TRAPPC9: variants seen among roughly 807,000 people sequenced by gnomAD.
TRAPPC9 encodes the protein IKK2 binding protein.
A neutral mutation model predicts 124.0 loss-of-function variants in TRAPPC9; 83 were observed. The observed-to-expected ratio is 0.67, with a 90% CI of 0.56 to 0.80. The LOEUF (loss-of-function observed/expected upper bound fraction) is 0.80. Among genes scored for constraint, TRAPPC9 ranks in the 30% least tolerant of loss-of-function variants. TRAPPC9 has a pLI of 0.00. For synonymous variants in TRAPPC9, 638 were observed against 617.5 expected (o/e 1.03, Z -0.49); for missense variants, 1,302 against 1,508.3 (o/e 0.86, Z 2.27).
rs569458489 is a variant in TRAPPC9 at position 140,417,882 on chromosome 8, T to TA, written c.886+8732dup. Among the ~76,000 whole-genome samples the TA allele has an allele frequency of 3.7e-4, 56 of 152,212 alleles. No homozygotes were observed. In the South Asian group the frequency reaches 0.011, roughly 30 times the overall value. On this transcript the variant is annotated intron_variant, in intron 5 of 22. Coordinates refer to ENST00000438773, the MANE Select transcript of TRAPPC9 (RefSeq NM_001160372.4). ...TACACCATGGAATACTATGCAGCCA[T>TA]AAAAAAGGATGACTTCATGTCCTTT...
intron 17 of TRAPPC9, among the ~76,000 whole-genome samples, chr8:140,045,200 G>A (rs116081839): frequency 0.026 from 3,945 of 152,192 alleles, 142 homozygotes; most frequent in African/African-American, 0.086. Flanking sequence ...CTATTCCACC[G>A]GCTCTGAGAC....
intron 9 of TRAPPC9, among the ~76,000 whole-genome samples, chr8:140,341,598 C>G (rs1209049211): frequency 6.6e-6 from 1 of 152,050 alleles, no homozygotes; most frequent in African/African-American, 2.4e-5. Context: ...AAACTATTCC[C>G]CAGAATAAAG....
chr8:140,129,445 A>G lies in TRAPPC9; in HGVS notation c.2556+92014T>C, dbSNP rs188339034. On this transcript the variant is annotated intron_variant, in intron 17 of 22. Transcript: ENST00000438773. The stretch of plus-strand genomic sequence containing the variant: ...GTGAAGAGCCCAAGTAGGGAGAAGA[A>G]GCGATCCCAGGGAGGGGCAAGCTGG... Among the ~76,000 whole-genome samples the G allele has an allele frequency of 1.3e-3, 201 of 152,310 alleles. 1 individual carries two copies. The highest frequency in any genetic ancestry group is 4.6e-3 in the African/African-American group (190 of 41,576).
At chr8:140,175,652 TGAC>T (rs2062053017) in intron 17 of TRAPPC9, among the ~76,000 whole-genome samples, 1 of 152,222 alleles carries the variant, frequency 6.6e-6, no homozygotes, top group South Asian at 2.1e-4. Context: ...CAACGAAATC[TGAC>T]GACATCCACG....
At chr8:140,291,246 T>C (rs2065647785) in intron 11 of TRAPPC9, 168 bp from the exon 12 acceptor site, 8 of 697,734 alleles carry the variant, frequency 1.1e-5, no homozygotes, top group Non-Finnish European at 2.1e-5. Flanking sequence ...CAGCTTTCTC[T>C]GAAACAAAGC....
At chr8:140,269,225 C>T (rs1046757796) in intron 15 of TRAPPC9, among the ~76,000 whole-genome samples, 4 of 146,414 alleles carry the variant, frequency 2.7e-5, no homozygotes, top group East Asian at 3.9e-4. Flanking sequence ...CTGCAACTTA[C>T]TTTAAACTGC....
At chr8:140,137,756 T>C (rs1017165214) in intron 17 of TRAPPC9, among the ~76,000 whole-genome samples, 2 of 152,256 alleles carry the variant, frequency 1.3e-5, no homozygotes, top group African/African-American at 4.8e-5. Context: ...CTATCTTATA[T>C]ATGAAACACT....
intron 17 of TRAPPC9, among the ~76,000 whole-genome samples, chr8:140,065,032 T>C (rs890427805): frequency 5.9e-5 from 9 of 152,312 alleles, no homozygotes; most frequent in East Asian, 1.9e-4. Context: ...AAGGATAAGG[T>C]TGGTGATCTT....
chr8:140,328,734 A>T (rs1301472049), intron 9 of TRAPPC9, among the ~76,000 whole-genome samples: 2 of 151,704 alleles, frequency 1.3e-5, no homozygotes, highest in Admixed American at 1.3e-4. Context: ...TTTTTTTTTA[A>T]TTTTAAAAAA....
At chr8:140,185,672 G>A (rs958394754) in intron 17 of TRAPPC9, among the ~76,000 whole-genome samples, 3 of 152,220 alleles carry the variant, frequency 2.0e-5, no homozygotes, top group Non-Finnish European at 4.4e-5. Flanking sequence ...TCAGGACCAG[G>A]GGAAGCCTCC....
chr8:140,156,603 C>T (rs879559751), intron 17 of TRAPPC9, among the ~76,000 whole-genome samples: 2 of 152,184 alleles, frequency 1.3e-5, no homozygotes, highest in Non-Finnish European at 2.9e-5. Context: ...CTGTAATATT[C>T]GAATGGAACT....
At chr8:140,430,717 C>A (rs894013082) in intron 4 of TRAPPC9, among the ~76,000 whole-genome samples, 9 of 152,192 alleles carry the variant, frequency 5.9e-5, no homozygotes, top group Non-Finnish European at 8.8e-5. Flanking sequence ...CAGCTCACTG[C>A]AACCTCTGCC....
At position 140,129,347 on chromosome 8, in the gene TRAPPC9, T is replaced by C. The variant is rs538984589; in HGVS notation, c.2556+92112A>G. On this transcript the variant is annotated intron_variant, in intron 17 of 22. Transcript: ENST00000438773. ...GAGTCGAAGCCCCAAGAGGATGAAG[T>C]GGACATCCGTGTGTGAGACCTCAGG... is the stretch of plus-strand genomic sequence containing the variant. Among the ~76,000 whole-genome samples the C allele has an allele frequency of 4.0e-5, 6 of 151,742 alleles. No individual in the cohort carries two copies. The East Asian group carries it at 1.2e-3, about 30-fold the overall frequency.
chr8:140,390,035 G>A (rs2068880103), intron 7 of TRAPPC9, among the ~76,000 whole-genome samples: 1 of 152,156 alleles, frequency 6.6e-6, no homozygotes, highest in Non-Finnish European at 1.5e-5. Context: ...CAGGCGTGGT[G>A]GCTCATGCCT....
chr8:139,865,031 C>T (rs1249040096), intron 21 of TRAPPC9, among the ~76,000 whole-genome samples: 3 of 152,188 alleles, frequency 2.0e-5, no homozygotes, highest in Non-Finnish European at 4.4e-5. Context: ...CATCTGCACT[C>T]ATTAGCACCG....
rs79473714 is a variant in TRAPPC9 at position 140,028,916 on chromosome 8, G to A, written c.2557-4837C>T. Among the ~76,000 whole-genome samples, 733 of 151,890 alleles carry A rather than the reference G, an allele frequency of 4.8e-3. 6 individuals carry two copies. The highest frequency in any genetic ancestry group is 0.017 in the African/African-American group (692 of 41,440). On this transcript the variant is annotated intron_variant, in intron 17 of 22. Transcript: ENST00000438773. ...TATCAATTGAAAATGGATAAATAAT[G>A]GAAAAAAACAACTATACTAAAACCT...
At chr8:140,133,458 T>C (rs1008629770) in intron 17 of TRAPPC9, among the ~76,000 whole-genome samples, 4 of 152,186 alleles carry the variant, frequency 2.6e-5, no homozygotes, top group Admixed American at 6.5e-5. Context: ...GCTAACATCA[T>C]ACTCAACAGA....
In TRAPPC9 at chr8:139,885,886, C is replaced by T; in HGVS notation, c.3048G>A (p.Leu1016=). The change falls in exon 21 of 23, where the codon CTG becomes CTA. Residue 1016 remains leucine (L), a synonymous_variant. Transcript: ENST00000438773. ...TGGCTGGCGGGTACTCACCCCACTG[C>T]AGAGGCGCCAGCTGCAGGTGCTCCA... ...LVLEHLQLAP[L]QWDVLVDGQP... is the part of the protein sequence containing the mutation. 1 of 1,563,722 alleles carries T rather than the reference C, an allele frequency of 6.4e-7. No homozygotes were observed. The highest frequency in any genetic ancestry group is 8.7e-7 in the Non-Finnish European group (1 of 1,153,410).
At chr8:140,235,396 A>G (rs2063708046) in intron 16 of TRAPPC9, among the ~76,000 whole-genome samples, 1 of 152,274 alleles carries the variant, frequency 6.6e-6, no homozygotes, top group African/African-American at 2.4e-5. Flanking sequence ...CAATACTCAT[A>G]GCTGACAATG....
Sources: gnomAD v4.1 joint callset for allele counts (sites outside exome capture counted in the v4.1 genomes callset) on GRCh38, gnomAD v4.1.1 for gene constraint, MANE v1.5 for transcripts, NCBI Gene and HGNC (gene_info 2026-07-23, HGNC 2026-07-21) for gene names.